PPP1R21: variants seen among roughly 807,000 people sequenced by gnomAD.
PPP1R21 encodes the protein KLRAQ motif containing 1.
Under a neutral mutation model 112.8 loss-of-function variants are expected in PPP1R21, and 85 were observed. The ratio of observed to expected loss-of-function variants is 0.75; its 90% CI spans 0.63 to 0.90. PPP1R21 has a LOEUF of 0.90. Ranked by LOEUF, PPP1R21 falls within the 40% of genes least tolerant of loss-of-function variation. The pLI, the probability that PPP1R21 is intolerant of heterozygous loss-of-function variation, is 0.00. For missense variants in PPP1R21, 1,199 were observed against 901.5 expected (o/e 1.33, Z -4.23); for synonymous variants, 381 against 322.3 (o/e 1.18, Z -1.95).
chr2:48,446,025 C>T (rs1229303656), intron 1 of PPP1R21, among the ~76,000 whole-genome samples: 1 of 152,172 alleles, frequency 6.6e-6, no homozygotes, highest in African/African-American at 2.4e-5. Flanking sequence ...GGTTGTCTTG[C>T]ACACGTCACT....
rs1459623560 is a variant in PPP1R21 at position 48,514,997 on chromosome 2, T to C, written c.*253T>C. The C allele has an allele frequency of 4.2e-6, 2 of 471,736 alleles. No homozygotes were observed. The highest frequency in any genetic ancestry group is 3.4e-5 in the East Asian group (1 of 29,202). The allele number at this position is 471,736 out of a possible 1,614,324, so 29.2% of individuals were successfully genotyped here. A position where few individuals can be genotyped will look rare whatever the true frequency, so the allele number is the denominator to read the frequency against. ...GTCATGGATATTGTAGGTTTCCTTA[T>C]GCTGTTTTTACTGTGCACTTTTTAA... On this transcript the variant is annotated 3_prime_UTR_variant, in exon 22 of 22. Coordinates refer to ENST00000294952, the MANE Select transcript of PPP1R21 (RefSeq NM_001135629.3).
At chr2:48,453,495 T>G (rs1472720234) in intron 2 of PPP1R21, among the ~76,000 whole-genome samples, 39 of 152,340 alleles carry the variant, frequency 2.6e-4, no homozygotes, top group Non-Finnish European at 7.4e-5. Flanking sequence ...GCCAGCCCAG[T>G]TCTTTAAATA....
chr2:48,489,998 T>G (rs1366384837), intron 14 of PPP1R21, among the ~76,000 whole-genome samples: 1 of 151,970 alleles, frequency 6.6e-6, no homozygotes, highest in African/African-American at 2.4e-5. Context: ...TGAGCCGAGA[T>G]CGTGCCACCG....
chr2:48,496,581 C>T (rs1474475709), intron 16 of PPP1R21, among the ~76,000 whole-genome samples: 1 of 151,924 alleles, frequency 6.6e-6, no homozygotes, highest in Non-Finnish European at 1.5e-5. Context: ...GATTGTCCTG[C>T]CTCAGCCTCC....
chr2:48,507,357 A>T lies in PPP1R21; in HGVS notation c.2057A>T (p.Asp686Val). The T allele has an allele frequency of 6.3e-7, 1 of 1,596,072 alleles. No individual in the cohort carries two copies. The highest frequency in any genetic ancestry group is 8.5e-7 in the Non-Finnish European group (1 of 1,174,704). The change falls in exon 19 of 22, where the codon GAC becomes GTC. Residue 686 changes from aspartate to valine, a missense_variant. By Grantham distance (152) the Asp-to-Val change is radical. Transcript: ENST00000294952. ...CTTACGTCTCAGTTGCAGCTGGCTGACAGTAAGTCAGTGCATTTTTATGCC... is the reference window on the plus strand; with the variant it reads ...CTTACGTCTCAGTTGCAGCTGGCTGTCAGTAAGTCAGTGCATTTTTATGCC... ...VELTSQLQLA[D>V]SKSVHFYAEC...
At chr2:48,489,702 G>C (rs1432323397) in intron 14 of PPP1R21, among the ~76,000 whole-genome samples, 1 of 151,910 alleles carries the variant, frequency 6.6e-6, no homozygotes, top group Non-Finnish European at 1.5e-5. Context: ...CTGAGGTCAC[G>C]AGTTTGAGAC....
In PPP1R21 at chr2:48,458,162, C is replaced by T; in HGVS notation, c.310C>T (p.Gln104Ter). The change falls in exon 4 of 22, where the codon CAG becomes TAG. Residue 104 changes from glutamine (Q) to a stop codon, truncating the protein, a stop_gained. Transcript: ENST00000294952. LOFTEE classifies it high-confidence loss of function. ...ATCTTCTTCTCAGTTGAGTCAAGAG[C>T]AGAAGAGTGTCTTTGATGAAGATCT... is the stretch of plus-strand genomic sequence containing the variant. Reference protein sequence around the residue: ...GESSSQLSQEQKSVFDEDLQK... With the variant: ...GESSSQLSQE 6.2e-7 allele frequency: 1 copy of T among 1,611,952 alleles called. No homozygotes were observed. The highest frequency in any genetic ancestry group is 8.5e-7 in the Non-Finnish European group (1 of 1,178,546).
intron 3 of PPP1R21, among the ~76,000 whole-genome samples, chr2:48,456,646 A>G (rs899664624): frequency 6.6e-6 from 1 of 152,212 alleles, no homozygotes; most frequent in African/African-American, 2.4e-5. Flanking sequence ...TAGTTTTCCC[A>G]TATGCATTTC....
intron 7 of PPP1R21, among the ~76,000 whole-genome samples, chr2:48,462,876 C>T (rs535534355): frequency 2.0e-5 from 3 of 152,164 alleles, no homozygotes; most frequent in East Asian, 3.9e-4. Flanking sequence ...ATTGTGGAGG[C>T]TTAGCCTGGA....
intron 17 of PPP1R21, among the ~76,000 whole-genome samples, chr2:48,505,084 A>T (rs1006279636): frequency 6.6e-6 from 1 of 152,244 alleles, no homozygotes; most frequent in African/African-American, 2.4e-5. Context: ...TCTGAAATTT[A>T]TGCTTACTCA....
chr2:48,500,184 T>A (rs1343021002), intron 17 of PPP1R21, among the ~76,000 whole-genome samples: 2 of 152,168 alleles, frequency 1.3e-5, no homozygotes, highest in African/African-American at 4.8e-5. Flanking sequence ...GATTGTGAAT[T>A]TTCCTAGGTA....
At chr2:48,479,625 G>T in intron 12 of PPP1R21, 1 of 572,560 alleles carries the variant, frequency 1.7e-6, no homozygotes, top group Admixed American at 2.3e-5. Context: ...ATAATAACAA[G>T]GTAAACATTC....
chr2:48,495,351 G>T (rs1032788661), intron 15 of PPP1R21, among the ~76,000 whole-genome samples: 2 of 152,034 alleles, frequency 1.3e-5, no homozygotes, highest in South Asian at 4.2e-4. Flanking sequence ...CTACAGGCGC[G>T]TGCCACCATA....
At chr2:48,455,722 A>G (rs906395759) in intron 3 of PPP1R21, among the ~76,000 whole-genome samples, 1 of 152,020 alleles carries the variant, frequency 6.6e-6, no homozygotes, top group Non-Finnish European at 1.5e-5. Flanking sequence ...TACTACTCAT[A>G]TGAAAGTAGC....
chr2:48,483,522 G>A (rs1669130984), intron 13 of PPP1R21, among the ~76,000 whole-genome samples: 1 of 152,130 alleles, frequency 6.6e-6, no homozygotes, highest in Non-Finnish European at 1.5e-5. Flanking sequence ...ACCATAAAAG[G>A]GGCCTGAATA....
At chr2:48,499,534 C>T (rs1670003914) in intron 17 of PPP1R21, among the ~76,000 whole-genome samples, 1 of 152,080 alleles carries the variant, frequency 6.6e-6, no homozygotes, top group African/African-American at 2.4e-5. Flanking sequence ...ACCAGCTGGG[C>T]AGCATAGTGA....
chr2:48,514,007 C>T (rs1670756036), intron 21 of PPP1R21, among the ~76,000 whole-genome samples: 1 of 151,020 alleles, frequency 6.6e-6, no homozygotes, highest in Non-Finnish European at 1.5e-5. Flanking sequence ...AGCACATATT[C>T]AGAGTTATTA....
chr2:48,473,294 A>G (rs935291724), intron 11 of PPP1R21, among the ~76,000 whole-genome samples: 2 of 152,202 alleles, frequency 1.3e-5, no homozygotes, highest in East Asian at 3.8e-4. Context: ...ATAGTTCTGT[A>G]TAAAGATTTT....
Position 48,491,236 on chromosome 2 carries a change from G to A in PPP1R21, c.1599+66G>A, listed in dbSNP as rs1437739013. On this transcript the variant is annotated intron_variant, in intron 15 of 21. Transcript: ENST00000294952. The stretch of plus-strand genomic sequence containing the variant: ...CAGGAGTCATTCTAGAGAATGGCAA[G>A]AGTTTTTCTGCAGTTTATATTGTTG... 6 of 1,527,152 alleles carry A rather than the reference G, an allele frequency of 3.9e-6. No homozygotes were observed. The Admixed American group carries it at 9.8e-5, about 25-fold the overall frequency. 94.6% of individuals were successfully genotyped at this position (1,527,152 alleles called of 1,614,324 possible). A position where few individuals can be genotyped will look rare whatever the true frequency, so the allele number is the denominator to read the frequency against.
Sources: allele counts gnomAD v4.1 joint callset (sites outside exome capture counted in the v4.1 genomes callset), GRCh38; gene constraint gnomAD v4.1.1; transcripts MANE v1.5; gene names NCBI Gene and HGNC (gene_info 2026-07-23, HGNC 2026-07-21).